The following CACNA2D3 variants were observed in gnomAD, a reference collection of about 807,000 sequenced individuals.
CACNA2D3 encodes the protein calcium voltage-gated channel auxiliary subunit alpha2delta 3, also known as voltage-dependent calcium channel subunit alpha-2/delta-3.
CACNA2D3 carries 60 observed loss-of-function variants against 160.6 expected under a neutral mutation model. The ratio of observed to expected loss-of-function variants is 0.37; its 90% CI spans 0.30 to 0.46. CACNA2D3 has a LOEUF of 0.46. Ranked by LOEUF, CACNA2D3 falls within the 20% of genes least tolerant of loss-of-function variation. The pLI, the probability that CACNA2D3 is intolerant of heterozygous loss-of-function variation, is 1.00. For synonymous variants in CACNA2D3, 558 were observed against 492.9 expected, an observed-to-expected ratio of 1.13 and a Z score of -1.75; for missense variants, 1,205 against 1,365.0, an observed-to-expected ratio of 0.88 and a Z score of 1.85.
At chr3:54,598,415 G>A (rs888329936) in intron 9 of CACNA2D3, among the ~76,000 whole-genome samples, 1 of 151,686 alleles carries the variant, frequency 6.6e-6, no homozygotes. Context: ...TATTAAATGG[G>A]ATAAGAGCTT....
chr3:54,156,116 G>A (rs969706381), intron 2 of CACNA2D3, among the ~76,000 whole-genome samples: 1 of 152,146 alleles, frequency 6.6e-6, no homozygotes, highest in Non-Finnish European at 1.5e-5. Flanking sequence ...AATTGCCCAG[G>A]TGTTCAGTCA....
At chr3:54,295,356 G>C (rs999426356) in intron 2 of CACNA2D3, among the ~76,000 whole-genome samples, 10 of 152,354 alleles carry the variant, frequency 6.6e-5, no homozygotes, top group African/African-American at 2.2e-4. Context: ...ACAGGTCTCA[G>C]TGAATTTAGA....
intron 2 of CACNA2D3, among the ~76,000 whole-genome samples, chr3:54,319,617 A>G (rs1284866499): frequency 6.6e-6 from 1 of 152,170 alleles, no homozygotes; most frequent in Non-Finnish European, 1.5e-5. Context: ...TTAAATCTTT[A>G]GTTAAACCGT....
intron 17 of CACNA2D3, among the ~76,000 whole-genome samples, chr3:54,853,707 C>T (rs190110314): frequency 3.6e-4 from 55 of 152,268 alleles, no homozygotes; most frequent in African/African-American, 1.2e-3. Context: ...TCTGCTTTTC[C>T]TTAGAGGAAG....
chr3:54,771,461 C>T (rs1216432296), intron 13 of CACNA2D3, among the ~76,000 whole-genome samples: 1 of 152,178 alleles, frequency 6.6e-6, no homozygotes, highest in African/African-American at 2.4e-5. Context: ...TCAGGGGCCT[C>T]TTCTAAGCTC....
At chr3:54,359,008 C>T (rs1233238919) in intron 3 of CACNA2D3, among the ~76,000 whole-genome samples, 1 of 151,942 alleles carries the variant, frequency 6.6e-6, no homozygotes, top group Admixed American at 6.6e-5. Context: ...ACTGGATCTC[C>T]AGTAAATAAT....
intron 27 of CACNA2D3, among the ~76,000 whole-genome samples, chr3:54,905,444 A>G (rs918139201): frequency 6.6e-6 from 1 of 152,186 alleles, no homozygotes; most frequent in South Asian, 2.1e-4. Flanking sequence ...TAACTTGTGA[A>G]CATTCCTTTG....
chr3:54,156,322 A>G (rs1461015277), intron 2 of CACNA2D3, among the ~76,000 whole-genome samples: 4 of 152,228 alleles, frequency 2.6e-5, no homozygotes, highest in Admixed American at 6.5e-5. Context: ...CCACTGGAGC[A>G]TATACACCAC....
chr3:54,175,323 G>GA (rs766088962), intron 2 of CACNA2D3, among the ~76,000 whole-genome samples: 29 of 152,042 alleles, frequency 1.9e-4, no homozygotes, highest in Non-Finnish European at 4.1e-4. Context: ...TAACTCTCAA[G>GA]AGGCAGATTA....
intron 11 of CACNA2D3, among the ~76,000 whole-genome samples, chr3:54,717,116 T>C (rs1386664958): frequency 1.3e-5 from 2 of 152,146 alleles, no homozygotes; most frequent in Admixed American, 6.5e-5. Context: ...TGGTGTCTGG[T>C]TTCTTTCACT....
intron 14 of CACNA2D3, among the ~76,000 whole-genome samples, chr3:54,821,032 C>T (rs75455580): frequency 0.031 from 4,666 of 152,156 alleles, 253 homozygotes; most frequent in African/African-American, 0.11. Context: ...GAGTTCCAAA[C>T]GTGGCTATTT....
intron 3 of CACNA2D3, among the ~76,000 whole-genome samples, chr3:54,366,146 G>GT: frequency 6.6e-6 from 1 of 152,322 alleles, no homozygotes; most frequent in South Asian, 2.1e-4. Flanking sequence ...GAACCCCAGA[G>GT]TAAGGAGGCA....
intron 17 of CACNA2D3, among the ~76,000 whole-genome samples, chr3:54,852,314 G>A (rs574213904): frequency 3.9e-5 from 6 of 152,192 alleles, no homozygotes; most frequent in African/African-American, 4.8e-5. Context: ...CTAGACTTCC[G>A]CAGACAAACT....
At chr3:54,737,427 G>A (rs192358963) in intron 11 of CACNA2D3, among the ~76,000 whole-genome samples, 1 of 152,224 alleles carries the variant, frequency 6.6e-6, no homozygotes, top group East Asian at 1.9e-4. Flanking sequence ...ATGTTTTAGT[G>A]CAGAGCAGGC....
At chr3:54,884,919 G>A (rs1699886672) in intron 21 of CACNA2D3, among the ~76,000 whole-genome samples, 1 of 152,196 alleles carries the variant, frequency 6.6e-6, no homozygotes, top group South Asian at 2.1e-4. Context: ...CAGTGGCCTA[G>A]CCCGGTTCCC....
At chr3:54,611,295 A>G (rs918391553) in intron 9 of CACNA2D3, among the ~76,000 whole-genome samples, 4 of 152,102 alleles carry the variant, frequency 2.6e-5, no homozygotes, top group Admixed American at 2.6e-4. Context: ...CTAATTGTCA[A>G]CCCTTTCTCA....
intron 11 of CACNA2D3, among the ~76,000 whole-genome samples, chr3:54,684,422 A>G (rs554646996): frequency 4.6e-5 from 7 of 152,274 alleles, no homozygotes; most frequent in African/African-American, 1.7e-4. Flanking sequence ...GGGAGACACA[A>G]TTCAGCCAAC....
chr3:54,963,530 A>G (rs1430416184), intron 27 of CACNA2D3, among the ~76,000 whole-genome samples: 1 of 152,234 alleles, frequency 6.6e-6, no homozygotes, highest in Non-Finnish European at 1.5e-5. Flanking sequence ...GTTAATTTTT[A>G]TTTAAATAGC....
chr3:54,139,720 T>C (rs1392193201), intron 2 of CACNA2D3, among the ~76,000 whole-genome samples: 2 of 152,226 alleles, frequency 1.3e-5, no homozygotes. Context: ...ATAACATGCC[T>C]GACTAAATGA....
Sources: gnomAD v4.1 joint callset for allele counts (sites outside exome capture counted in the v4.1 genomes callset) on GRCh38, gnomAD v4.1.1 for gene constraint, MANE v1.5 for transcripts, NCBI Gene and HGNC (gene_info 2026-07-23, HGNC 2026-07-21) for gene names.